MAP3K20: variants seen among roughly 807,000 people sequenced by gnomAD.
MAP3K20 encodes mitogen-activated protein kinase kinase kinase 20.
MAP3K20 carries 40 observed loss-of-function variants against 85.7 expected under a neutral mutation model. The observed-to-expected ratio is 0.47, with a 90% CI of 0.36 to 0.61. MAP3K20 has a LOEUF of 0.61. Among genes scored for constraint, MAP3K20 ranks in the 20% least tolerant of loss-of-function variants. MAP3K20 has a pLI of 0.00. For synonymous variants in MAP3K20, 325 were observed against 327.7 expected, an observed-to-expected ratio of 0.99 and a Z score of 0.09; for missense variants, 817 against 961.7, an observed-to-expected ratio of 0.85 and a Z score of 1.99.
intron 16 of MAP3K20, among the ~76,000 whole-genome samples, chr2:173,255,792 CT>C (rs1685144279): frequency 6.6e-6 from 1 of 152,210 alleles, no homozygotes; most frequent in African/African-American, 2.4e-5. Flanking sequence ...GCAAAAGAAA[CT>C]GAACTAAGTA....
At chr2:173,225,684 T>C in intron 11 of MAP3K20, 1 of 985,090 alleles carries the variant, frequency 1.0e-6, no homozygotes, top group Middle Eastern at 5.2e-4. Flanking sequence ...TAGAGTTTCG[T>C]CTCTAATTAT....
At chr2:173,248,240 T>G (rs1345009) in intron 16 of MAP3K20, among the ~76,000 whole-genome samples, 39,970 of 151,972 alleles carry the variant, frequency 0.26, 6,537 homozygotes, top group East Asian at 0.6. Context: ...TCGTCACACA[T>G]TTTACAAGTT....
intron 2 of MAP3K20, among the ~76,000 whole-genome samples, chr2:173,092,494 C>T (rs898709362): frequency 3.3e-5 from 5 of 152,102 alleles, no homozygotes; most frequent in Non-Finnish European, 7.4e-5. Flanking sequence ...TAGAGCTTTG[C>T]GAAATGTATT....
chr2:173,235,970 C>G (rs62174361), intron 14 of MAP3K20, among the ~76,000 whole-genome samples: 12,557 of 151,788 alleles, frequency 0.083, 556 homozygotes, highest in Non-Finnish European at 0.1. Flanking sequence ...AATCGGTGGT[C>G]GAAAGGGTCT....
At chr2:173,180,535 G>C (rs145992736) in intron 3 of MAP3K20, among the ~76,000 whole-genome samples, 2 of 152,110 alleles carry the variant, frequency 1.3e-5, no homozygotes, top group African/African-American at 4.8e-5. Context: ...AAATTAGCCA[G>C]CGTGGTGATG....
intron 1 of MAP3K20, among the ~76,000 whole-genome samples, chr2:173,076,654 A>C (rs923705837): frequency 6.6e-6 from 1 of 152,216 alleles, no homozygotes. Flanking sequence ...AACATGCGTA[A>C]ATGTATCCAG....
At chr2:173,213,087 A>G (rs1024585764) in intron 10 of MAP3K20, among the ~76,000 whole-genome samples, 1 of 152,140 alleles carries the variant, frequency 6.6e-6, no homozygotes, top group Admixed American at 6.5e-5. Context: ...TACACAGAGA[A>G]AAGTATCAAA....
At chr2:173,239,722 C>G (rs1460096338) in intron 16 of MAP3K20, among the ~76,000 whole-genome samples, 2 of 152,144 alleles carry the variant, frequency 1.3e-5, no homozygotes, top group African/African-American at 2.4e-5. Flanking sequence ...GTGAGGCCAC[C>G]CAAACATCAG....
chr2:173,127,220 A>G (rs1688469806), intron 2 of MAP3K20, among the ~76,000 whole-genome samples: 1 of 152,236 alleles, frequency 6.6e-6, no homozygotes, highest in Non-Finnish European at 1.5e-5. Context: ...CAAAGTCTGC[A>G]GAAGTTGGTT....
chr2:173,178,128 C>A (rs564288859), intron 3 of MAP3K20, among the ~76,000 whole-genome samples: 2 of 151,886 alleles, frequency 1.3e-5, no homozygotes, highest in Non-Finnish European at 2.9e-5. Flanking sequence ...ATTTGACAAG[C>A]CTTTAACTAG....
intron 2 of MAP3K20, among the ~76,000 whole-genome samples, chr2:173,101,449 A>G (rs770363126): frequency 2.6e-5 from 4 of 152,248 alleles, no homozygotes; most frequent in Non-Finnish European, 5.9e-5. Flanking sequence ...CATATTGAGC[A>G]ATAAACATTT....
chr2:173,123,550 A>G (rs986760643), intron 2 of MAP3K20, among the ~76,000 whole-genome samples: 2 of 152,226 alleles, frequency 1.3e-5, no homozygotes, highest in Non-Finnish European at 2.9e-5. Flanking sequence ...TTTTCCAGAA[A>G]AAGAAAGCTA....
chr2:173,134,411 T>C (rs1269988997), intron 2 of MAP3K20, among the ~76,000 whole-genome samples: 8 of 10,180 alleles, frequency 7.9e-4, no homozygotes, highest in African/African-American at 2.6e-3. Context: ...TATATATATA[T>C]ATATATATAT....
At chr2:173,141,690 A>G (rs548256117) in intron 2 of MAP3K20, among the ~76,000 whole-genome samples, 124 of 152,266 alleles carry the variant, frequency 8.1e-4, no homozygotes, top group African/African-American at 2.9e-3. Flanking sequence ...TTTGATGAAA[A>G]CCATACACTT....
At chr2:173,187,002 G>A (rs1007078013) in intron 4 of MAP3K20, among the ~76,000 whole-genome samples, 12 of 152,084 alleles carry the variant, frequency 7.9e-5, no homozygotes, top group African/African-American at 1.9e-4. Context: ...TTTACCAACC[G>A]TAACTAATCA....
intron 2 of MAP3K20, among the ~76,000 whole-genome samples, chr2:173,125,464 C>T (rs1356944401): frequency 6.6e-6 from 1 of 151,970 alleles, no homozygotes; most frequent in East Asian, 1.9e-4. Context: ...TTAGCAGTCT[C>T]CACCTCACAG....
intron 16 of MAP3K20, among the ~76,000 whole-genome samples, chr2:173,249,252 A>T (rs1684989980): frequency 6.6e-6 from 1 of 152,242 alleles, no homozygotes; most frequent in Non-Finnish European, 1.5e-5. Context: ...GCTTCTGAGG[A>T]TCACTGCAAG....
chr2:173,164,633 A>C (rs751948003), intron 2 of MAP3K20, among the ~76,000 whole-genome samples: 2 of 152,228 alleles, frequency 1.3e-5, no homozygotes, highest in Non-Finnish European at 2.9e-5. Flanking sequence ...GCTCTCCAAA[A>C]TTAAATAAAC....
intron 1 of MAP3K20, among the ~76,000 whole-genome samples, chr2:173,078,800 G>T (rs1295368183): frequency 1.3e-5 from 2 of 152,148 alleles, no homozygotes; most frequent in African/African-American, 4.8e-5. Flanking sequence ...GTAAACAAAA[G>T]GCAAATTAGA....
Sources: gnomAD v4.1 joint callset for allele counts (sites outside exome capture counted in the v4.1 genomes callset) on GRCh38, gnomAD v4.1.1 for gene constraint, MANE v1.5 for transcripts, NCBI Gene and HGNC (gene_info 2026-07-23, HGNC 2026-07-21) for gene names.